The following ARHGEF10L variants were observed in gnomAD, a reference collection of about 807,000 sequenced individuals.
The protein encoded by ARHGEF10L is rho guanine nucleotide exchange factor 10-like protein.
Under a neutral mutation model 141.2 loss-of-function variants are expected in ARHGEF10L, and 69 were observed. That is an observed-to-expected ratio of 0.49 (90% confidence interval 0.40 to 0.60). The LOEUF is 0.60. ARHGEF10L is among the 20% of genes least tolerant of loss of function. ARHGEF10L has a pLI of 0.00. For missense variants in ARHGEF10L, 1,482 were observed against 1,734.3 expected, an observed-to-expected ratio of 0.85 and a Z score of 2.58; for synonymous variants, 711 against 718.5, an observed-to-expected ratio of 0.99 and a Z score of 0.17.
the ARHGEF10L span, among the ~76,000 whole-genome samples, chr1:17,515,667 G>A: frequency 4.6e-5 from 7 of 151,332 alleles, no homozygotes; most frequent in African/African-American, 1.7e-4. Context: ...TTTTGAGACA[G>A]GGTCTTGCTC....
rs977430854 is a variant in ARHGEF10L at position 17,627,665 on chromosome 1, G to A, written c.1584+162G>A. Among the ~76,000 whole-genome samples, 4 of 152,184 alleles carry A rather than the reference G, an allele frequency of 2.6e-5. No homozygotes were observed. The highest frequency in any genetic ancestry group is 4.8e-5 in the African/African-American group (2 of 41,434). The stretch of plus-strand genomic sequence containing the variant: ...TGACCTTGGGGATTGGATCCTCAGC[G>A]GGACCCCCACGTTCATTCCTGTTCA... On this transcript the variant is annotated intron_variant, in intron 15 of 28. Coordinates refer to ENST00000361221, the MANE Select transcript of ARHGEF10L (RefSeq NM_018125.4). The surrounding 1 kb of genome is among the most constrained non-coding windows in gnomAD (Gnocchi z 4.0).
chr1:17,695,040 A>G, intron 27 of ARHGEF10L, 118 bp from the exon 28 acceptor site: 2 of 1,501,602 alleles, frequency 1.3e-6, no homozygotes, highest in Non-Finnish European at 1.8e-6. Flanking sequence ...CCACCGCCCA[A>G]CTTCTTGCTG....
chr1:17,540,987 G>C (rs766968040), intron 1 of ARHGEF10L, among the ~76,000 whole-genome samples: 19 of 152,200 alleles, frequency 1.2e-4, no homozygotes, highest in Admixed American at 2.0e-4. Flanking sequence ...AAGCAGGTCA[G>C]CCTCCGGAAA....
chr1:17,610,165 G>C (rs1333830518), intron 7 of ARHGEF10L, among the ~76,000 whole-genome samples: 2 of 152,226 alleles, frequency 1.3e-5, no homozygotes, highest in Non-Finnish European at 2.9e-5. Flanking sequence ...AGAACCACAT[G>C]GGTAACTGAT....
intron 1 of ARHGEF10L, among the ~76,000 whole-genome samples, chr1:17,565,380 C>T (rs573769379): frequency 2.0e-5 from 3 of 152,354 alleles, no homozygotes; most frequent in East Asian, 3.9e-4. Flanking sequence ...TCCCTTCTCC[C>T]TCCTGCTTAA....
chr1:17,532,401 G>A, the ARHGEF10L span, among the ~76,000 whole-genome samples: 3 of 152,124 alleles, frequency 2.0e-5, no homozygotes, highest in Non-Finnish European at 4.4e-5. Context: ...CCTTGGCTCA[G>A]CAGACATCCC....
chr1:17,683,916 T>G (rs976976184), intron 26 of ARHGEF10L, among the ~76,000 whole-genome samples: 1 of 152,226 alleles, frequency 6.6e-6, no homozygotes, highest in Non-Finnish European at 1.5e-5. Flanking sequence ...CTTGGCTTTT[T>G]CGGAGGCTGA....
chr1:17,630,718 A>C (rs1424396974), intron 15 of ARHGEF10L, among the ~76,000 whole-genome samples: 2 of 152,210 alleles, frequency 1.3e-5, no homozygotes, highest in African/African-American at 4.8e-5. Flanking sequence ...GGATGGCCTC[A>C]AGGACCGCTG....
chr1:17,582,982 T>A (rs1489673641), intron 2 of ARHGEF10L, among the ~76,000 whole-genome samples: 1 of 151,644 alleles, frequency 6.6e-6, no homozygotes, highest in Non-Finnish European at 1.5e-5. Flanking sequence ...ATCCTAGCAC[T>A]TTGAGAAACC....
intron 27 of ARHGEF10L, chr1:17,689,807 A>C: frequency 2.2e-6 from 1 of 455,974 alleles, no homozygotes; most frequent in Non-Finnish European, 4.4e-6. Flanking sequence ...AATCTTTGGA[A>C]TCTCGTCTTG....
intron 1 of ARHGEF10L, among the ~76,000 whole-genome samples, chr1:17,574,844 C>G (rs1427529073): frequency 2.6e-5 from 4 of 152,236 alleles, no homozygotes. Context: ...GCCCCACTTC[C>G]TGTTCCAGCT....
chr1:17,697,032 G>A lies in ARHGEF10L; in HGVS notation c.3492G>A (p.Glu1164=), dbSNP rs766851319. 6.2e-7 allele frequency: 1 copy of A among 1,605,450 alleles called. No homozygotes were observed. Among genetic ancestry groups the A allele is most frequent in the Non-Finnish European group, 8.5e-7 (1 of 1,175,814 alleles). Residue 1164 remains glutamate, a synonymous_variant, in exon 29 of 29, where the codon GAG becomes GAA. Transcript: ENST00000361221. The surrounding 1 kb of genome is among the most constrained non-coding windows in gnomAD (Gnocchi z 4.8). ...TGCCCGATAGCCACGTGGGCCGAGAGCTGACCCGCAAGAAGGGCATCCTCT... is the reference window on the plus strand; with the variant it reads ...TGCCCGATAGCCACGTGGGCCGAGAACTGACCCGCAAGAAGGGCATCCTCT... ...EPMPDSHVGR[E]LTRKKGILLQ...
chr1:17,601,952 T>C (rs1347574068), intron 4 of ARHGEF10L, among the ~76,000 whole-genome samples, 175 bp from the exon 5 acceptor site: 1 of 152,190 alleles, frequency 6.6e-6, no homozygotes, highest in Non-Finnish European at 1.5e-5. Context: ...ATGCACGCCT[T>C]CTAAAGATGA....
In ARHGEF10L at chr1:17,601,062, A is replaced by AC. The variant is rs1307497350; in HGVS notation, c.258-1065_258-1064insC. 5.2e-3 allele frequency among the ~76,000 whole-genome samples: 772 copies of AC among 147,960 alleles called. 6 individuals carry two copies. The highest frequency in any genetic ancestry group is 0.018 in the African/African-American group (685 of 38,568). ...GAGGCTCTGTCTCAAAAAAAAAAAA[A>AC]AAAAAACAAAAAACAAAAAACTCTA... On this transcript the variant is annotated intron_variant, in intron 4 of 28. Coordinates refer to ENST00000361221, the MANE Select transcript of ARHGEF10L (RefSeq NM_018125.4).
Position 17,624,485 on chromosome 1 carries a change from C to T in ARHGEF10L, c.1299C>T (p.Ala433=). ...AGAAGGCCTGCCTCACCAAGCCTGC[C>T]TTCCTCGAGTTCCTCAAGGTGGGCC... ...IIKKACLTKP[A]FLEFLKRRQV... is the part of the protein sequence containing the mutation. The change falls in exon 13 of 29, where the codon GCC becomes GCT. Residue 433 remains alanine (A), a synonymous_variant. Coordinates refer to ENST00000361221, the MANE Select transcript of ARHGEF10L (RefSeq NM_018125.4). 6.2e-7 allele frequency: 1 copy of T among 1,614,212 alleles called. No homozygotes were observed. The highest frequency in any genetic ancestry group is 1.3e-5 in the African/African-American group (1 of 75,072).
At chr1:17,634,386 G>A in intron 16 of ARHGEF10L, 162 bp from the exon 17 acceptor site, 1 of 1,166,878 alleles carries the variant, frequency 8.6e-7, no homozygotes, top group Non-Finnish European at 1.3e-6. Flanking sequence ...GCCCGCTTCT[G>A]TCCACACCTG....
At chr1:17,657,234 G>A (rs1427219245) in intron 25 of ARHGEF10L, among the ~76,000 whole-genome samples, 2 of 152,232 alleles carry the variant, frequency 1.3e-5, no homozygotes, top group African/African-American at 4.8e-5. Flanking sequence ...GAGGGCAGGA[G>A]GGCAGGGCTA....
rs150180066 is a variant in ARHGEF10L, at chr1:17,621,370, C to T, written c.943-494C>T. On this transcript the variant is annotated intron_variant, in intron 10 of 28. Transcript: ENST00000361221. This position sits in a 1 kb window ranked among gnomAD's most constrained non-coding sequence, Gnocchi z 4.1. The stretch of plus-strand genomic sequence containing the variant: ...GCTTCAGCCTCCAAAGTAGCTGGGA[C>T]TATAGGCGCGTGCCACCACGCCCAG... Among the ~76,000 whole-genome samples the T allele has an allele frequency of 8.6e-3, 1,312 of 152,238 alleles. 16 individuals are homozygous for T. Among genetic ancestry groups the T allele is most frequent in the African/African-American group, 0.03 (1,238 of 41,532 alleles).
At chr1:17,545,883 C>A (rs551563367) in intron 1 of ARHGEF10L, among the ~76,000 whole-genome samples, 1 of 152,320 alleles carries the variant, frequency 6.6e-6, no homozygotes, top group African/African-American at 2.4e-5. Context: ...TTTGCACATG[C>A]TGCTCCTTCT....
Sources: gnomAD v4.1 joint callset for allele counts (sites outside exome capture counted in the v4.1 genomes callset) on GRCh38, gnomAD v4.1.1 for gene constraint, Gnocchi (gnomAD v3.1) non-coding constraint, MANE v1.5 for transcripts, NCBI Gene and HGNC (gene_info 2026-07-23, HGNC 2026-07-21) for gene names.